ATP6V1H: variants seen among roughly 807,000 people sequenced by gnomAD.
The protein encoded by ATP6V1H is V-type proton ATPase subunit H.
Under a neutral mutation model 71.7 loss-of-function variants are expected in ATP6V1H, and 39 were observed. The observed-to-expected ratio is 0.54, with a 90% CI of 0.42 to 0.71. ATP6V1H has a LOEUF of 0.71. ATP6V1H is among the 30% of genes least tolerant of loss of function. ATP6V1H has a pLI of 0.00. For missense variants in ATP6V1H, 509 were observed against 594.9 expected, an observed-to-expected ratio of 0.86 and a Z score of 1.50; for synonymous variants, 192 against 199.3, an observed-to-expected ratio of 0.96 and a Z score of 0.31.
intron 13 of ATP6V1H, among the ~76,000 whole-genome samples, chr8:53,734,266 G>A (rs1347007095): frequency 3.9e-5 from 6 of 152,188 alleles, no homozygotes; most frequent in Non-Finnish European, 4.4e-5. Context: ...TAACTGTGTA[G>A]AGGTGCTAGA....
chr8:53,725,658 T>G (rs894321942), intron 13 of ATP6V1H, among the ~76,000 whole-genome samples: 12 of 151,088 alleles, frequency 7.9e-5, no homozygotes, highest in South Asian at 2.1e-4. Flanking sequence ...AGAGAAAATC[T>G]TGAGTGCCCA....
intron 13 of ATP6V1H, among the ~76,000 whole-genome samples, chr8:53,737,594 T>A (rs1807264702): frequency 6.6e-6 from 1 of 152,206 alleles, no homozygotes; most frequent in African/African-American, 2.4e-5. Flanking sequence ...GAGAATGCAG[T>A]ACAGATCTGA....
At position 53,826,966 on chromosome 8, in the gene ATP6V1H, CTA is replaced by C. The variant is rs1810843859; in HGVS notation, c.306+2476_306+2477del. Among the ~76,000 whole-genome samples, 16 of 148,724 alleles carry C rather than the reference CTA, an allele frequency of 1.1e-4. 1 individual carries two copies. In the South Asian group the frequency reaches 3.2e-3, roughly 30 times the overall value. On this transcript the variant is annotated intron_variant, in intron 4 of 13. Coordinates refer to ENST00000359530, the MANE Select transcript of ATP6V1H (RefSeq NM_015941.4). The stretch of plus-strand genomic sequence containing the variant: ...AATTCTGTCTCAAAAAAAAAAAAAA[CTA>C]TGATATTGGTCACCTACGAGAGGGA...
At chr8:53,786,230 G>A (rs1023427025) in intron 9 of ATP6V1H, among the ~76,000 whole-genome samples, 4 of 152,110 alleles carry the variant, frequency 2.6e-5, no homozygotes, top group East Asian at 1.9e-4. Flanking sequence ...CTCAAGCCTC[G>A]GCAATGGCGG....
At position 53,773,512 on chromosome 8, in the gene ATP6V1H, A is replaced by G. The variant is rs143287277; in HGVS notation, c.871-1345T>C. Among the ~76,000 whole-genome samples the G allele has an allele frequency of 2.2e-3, 338 of 152,310 alleles. 2 individuals are homozygous for G. Among genetic ancestry groups the G allele is most frequent in the African/African-American group, 7.9e-3 (327 of 41,582 alleles). ...GTAGGGAAGTCAAGGAACAATACAA[A>G]TACGTTCCTGTCACTGCAATTTTTA... On this transcript the variant is annotated intron_variant, in intron 9 of 13. Coordinates refer to ENST00000359530, the MANE Select transcript of ATP6V1H (RefSeq NM_015941.4).
At chr8:53,811,331 C>T in intron 6 of ATP6V1H, 114 bp from the exon 7 acceptor site, 1 of 801,820 alleles carries the variant, frequency 1.2e-6, no homozygotes, top group South Asian at 1.8e-5. Flanking sequence ...AATAATTTTT[C>T]CCCTATAATT....
At chr8:53,826,044 C>T (rs897024602) in intron 4 of ATP6V1H, among the ~76,000 whole-genome samples, 1 of 151,910 alleles carries the variant, frequency 6.6e-6, no homozygotes, top group Non-Finnish European at 1.5e-5. Flanking sequence ...TTAAAATGGG[C>T]AAAGACATGA....
At chr8:53,828,930 C>T (rs1224322082) in intron 4 of ATP6V1H, among the ~76,000 whole-genome samples, 3 of 152,060 alleles carry the variant, frequency 2.0e-5, no homozygotes, top group African/African-American at 7.2e-5. Flanking sequence ...TAAAGGAGGC[C>T]TCTCCTTTAT....
chr8:53,764,718 C>A (rs756455767), intron 11 of ATP6V1H, among the ~76,000 whole-genome samples: 10 of 152,152 alleles, frequency 6.6e-5, no homozygotes, highest in African/African-American at 9.7e-5. Context: ...GAAATAATTA[C>A]AGCAAAGTCG....
At chr8:53,834,502 T>C (rs1021698077) in intron 2 of ATP6V1H, among the ~76,000 whole-genome samples, 1 of 152,238 alleles carries the variant, frequency 6.6e-6, no homozygotes, top group Non-Finnish European at 1.5e-5. Context: ...CTCAGCTCAA[T>C]GCAACCTCTG....
rs532240519 is a variant in ATP6V1H at position 53,784,018 on chromosome 8, G to A, written c.870+11629C>T. 2.4e-3 allele frequency among the ~76,000 whole-genome samples: 360 copies of A among 152,306 alleles called. 2 individuals carry two copies. Among genetic ancestry groups the A allele is most frequent in the African/African-American group, 8.1e-3 (337 of 41,560 alleles). ...TGGTGCTGAAAAGAAAGTATATTCCGTTGATTTGGGGTACAGAGTTCTGTA... is the reference window on the plus strand; with the variant it reads ...TGGTGCTGAAAAGAAAGTATATTCCATTGATTTGGGGTACAGAGTTCTGTA... On this transcript the variant is annotated intron_variant, in intron 9 of 13. Coordinates refer to ENST00000359530, the MANE Select transcript of ATP6V1H (RefSeq NM_015941.4).
chr8:53,735,591 G>A (rs1272066749), intron 13 of ATP6V1H, among the ~76,000 whole-genome samples: 5 of 152,090 alleles, frequency 3.3e-5, no homozygotes, highest in African/African-American at 1.2e-4. Flanking sequence ...ATTTTGTTCA[G>A]TCGGCCACCC....
rs7013921 is a variant in ATP6V1H, at chr8:53,821,426, A to C, written c.307-3896T>G. ...GTCCAGGTGCGATGGCTCACACCTG[A>C]ATCTCAGAATTCTGGGAGCCAAGGC... On this transcript the variant is annotated intron_variant, in intron 4 of 13. Transcript: ENST00000359530. Among the ~76,000 whole-genome samples, 326 of 152,062 alleles carry C rather than the reference A, an allele frequency of 2.1e-3. 1 individual carries two copies. Among genetic ancestry groups the C allele is most frequent in the African/African-American group, 7.4e-3 (307 of 41,474 alleles).
chr8:53,828,910 T>C lies in ATP6V1H; in HGVS notation c.306+534A>G, dbSNP rs571424932. Among the ~76,000 whole-genome samples the C allele has an allele frequency of 9.9e-5, 15 of 152,240 alleles. No homozygotes were observed. The South Asian group carries it at 2.9e-3, about 29-fold the overall frequency. On this transcript the variant is annotated intron_variant, in intron 4 of 13. Coordinates refer to ENST00000359530, the MANE Select transcript of ATP6V1H (RefSeq NM_015941.4). ...AGATTATACTCTAGTGTAAAATACA[T>C]AAATATGAATAAAGGAGGCCTCTCC...
chr8:53,790,987 T>C (rs1585792291), intron 9 of ATP6V1H, among the ~76,000 whole-genome samples: 2 of 152,170 alleles, frequency 1.3e-5, no homozygotes, highest in Non-Finnish European at 2.9e-5. Context: ...ACTAGCTCTA[T>C]TTTTGCAAAT....
At chr8:53,798,213 T>C (rs1445804926) in intron 8 of ATP6V1H, among the ~76,000 whole-genome samples, 1 of 152,184 alleles carries the variant, frequency 6.6e-6, no homozygotes, top group Non-Finnish European at 1.5e-5. Flanking sequence ...TAGATTAAAA[T>C]GTGCTGGGTT....
chr8:53,817,356 AGT>A, intron 5 of ATP6V1H, 59 bp downstream of exon 5: 1 of 1,149,420 alleles, frequency 8.7e-7, no homozygotes, highest in East Asian at 2.6e-5. Context: ...TGGACAACAT[AGT>A]GAGACCCTCT....
At position 53,814,694 on chromosome 8, in the gene ATP6V1H, A is replaced by C; in HGVS notation, c.493T>G (p.Phe165Val). Residue 165 changes from phenylalanine (F) to valine (V), a missense_variant, in exon 6 of 14, where the codon TTC (phenylalanine) becomes GTC (valine). Physicochemically the swap from Phe to Val is conservative, Grantham distance 50. Coordinates refer to ENST00000359530, the MANE Select transcript of ATP6V1H (RefSeq NM_015941.4). The part of the protein sequence containing the change: ...LMEGSDLNYY[F>V]NWIKTQLSSQ... Reference sequence around the variant, plus strand: ...CTCAGCTGAGTTTTTATCCAATTGAAATAGTAATTTAAGTCACTGCCTTCC... The same window carrying C: ...CTCAGCTGAGTTTTTATCCAATTGACATAGTAATTTAAGTCACTGCCTTCC... The C allele has an allele frequency of 6.2e-7, 1 of 1,612,158 alleles. No individual in the cohort carries two copies. The highest frequency in any genetic ancestry group is 8.5e-7 in the Non-Finnish European group (1 of 1,179,158).
chr8:53,734,705 CCA>C, intron 13 of ATP6V1H, among the ~76,000 whole-genome samples: 1 of 152,208 alleles, frequency 6.6e-6, no homozygotes, highest in Admixed American at 6.5e-5. Context: ...CAGCGAGCTC[CCA>C]CTACAGTTGC....
Sources: allele counts gnomAD v4.1 joint callset (sites outside exome capture counted in the v4.1 genomes callset), GRCh38; gene constraint gnomAD v4.1.1; transcripts MANE v1.5; gene names NCBI Gene and HGNC (gene_info 2026-07-23, HGNC 2026-07-21).